Variants in JAK1 observed in about 807,000 individuals in gnomAD.
JAK1 encodes the protein tyrosine-protein kinase JAK1.
JAK1 carries 16 observed loss-of-function variants against 136.6 expected under a neutral mutation model. The ratio of observed to expected loss-of-function variants is 0.12; its 90% CI spans 0.08 to 0.18. The LOEUF is 0.18. Among genes scored for constraint, JAK1 ranks in the 10% least tolerant of loss-of-function variants. JAK1 has a pLI of 1.00. For synonymous variants in JAK1, 492 were observed against 519.5 expected (o/e 0.95, Z 0.72); for missense variants, 859 against 1,450.1 (o/e 0.59, Z 6.62).
intron 2 of JAK1, chr1:64,973,655 C>T: frequency 7.0e-6 from 1 of 141,970 alleles, no homozygotes; most frequent in African/African-American, 2.6e-5. Context: ...AAAGGAAAAT[C>T]AAATGTTGAA....
intron 2 of JAK1, chr1:64,973,148 A>AAAGAAAGG (rs1408516800): frequency 6.6e-6 from 1 of 151,168 alleles, no homozygotes; most frequent in South Asian, 2.1e-4. Context: ...AGAAAGAAAG[A>AAAGAAAGG]AAGAAAGGAA....
At chr1:64,913,644 GAA>G (rs1557686377) in intron 1 of JAK1, among the ~76,000 whole-genome samples, 7 of 98,184 alleles carry the variant, frequency 7.1e-5, no homozygotes, top group African/African-American at 3.2e-4. Context: ...AGGAAGGGAG[GAA>G]GGAAGGAAAG....
At chr1:64,981,889 T>A (rs1011407484) in intron 2 of JAK1, among the ~76,000 whole-genome samples, 1 of 152,136 alleles carries the variant, frequency 6.6e-6, no homozygotes, top group Non-Finnish European at 1.5e-5. Flanking sequence ...TATTCAAATT[T>A]TCATCATCAC....
rs969134392 is a variant in JAK1, at chr1:65,018,483, AGAGAACAC to A, written c.-78+25989_-78+25996del. Among the ~76,000 whole-genome samples, 41 of 135,466 alleles carry A rather than the reference AGAGAACAC, an allele frequency of 3.0e-4. No individual in the cohort carries two copies. In the South Asian group the frequency reaches 4.0e-3, roughly 13 times the overall value. 88.9% of individuals were successfully genotyped at this position (135,466 alleles called of 152,430 possible). On this transcript the variant is annotated intron_variant, in intron 2 of 25. Transcript: ENST00000671954. ...CATACAGAGAGAGAGAGAGAGAGAG[AGAGAACAC>A]ACACACACACACACACACACACACA...
intron 7 of JAK1, among the ~76,000 whole-genome samples, chr1:64,866,511 G>T (rs563451046): frequency 1.5e-4 from 23 of 152,252 alleles, no homozygotes; most frequent in Admixed American, 3.9e-4. Context: ...GTAAAATGGA[G>T]ATAATAGCAA....
At chr1:64,970,134 C>CAAA (rs1232133832), upstream of JAK1, among the ~76,000 whole-genome samples, 13 of 49,500 alleles carry the variant, frequency 2.6e-4, 6 homozygotes, top group African/African-American at 5.3e-4. Context: ...GACCCTGTCT[C>CAAA]AAAAAAAAAA....
chr1:64,935,905 G>A (rs1323607387), intron 1 of JAK1, among the ~76,000 whole-genome samples: 1 of 152,174 alleles, frequency 6.6e-6, no homozygotes, highest in Non-Finnish European at 1.5e-5. Context: ...GAACTGACAG[G>A]ATCCAGTAGG....
At position 64,872,787 on chromosome 1, in the gene JAK1, C is replaced by T. The variant is rs1015514408; in HGVS notation, c.483+583G>A. On this transcript the variant is annotated intron_variant, in intron 5 of 24. Transcript: ENST00000342505. ...ATGAATAAAAAAGCAGTTTACAAAACAAAATGAACCATAAAATATTTTCAA... is the reference window on the plus strand; with the variant it reads ...ATGAATAAAAAAGCAGTTTACAAAATAAAATGAACCATAAAATATTTTCAA... 5.3e-5 allele frequency among the ~76,000 whole-genome samples: 8 copies of T among 152,064 alleles called. No individual in the cohort carries two copies. The East Asian group carries it at 5.8e-4, about 11-fold the overall frequency.
At chr1:64,878,486 A>G (rs960956703) in intron 4 of JAK1, among the ~76,000 whole-genome samples, 1 of 147,514 alleles carries the variant, frequency 6.8e-6, no homozygotes, top group Non-Finnish European at 1.5e-5. Context: ...ACTTCAGGCA[A>G]TGTTTCTCGA....
intron 12 of JAK1, 128 bp downstream of exon 12, chr1:64,850,676 G>A (rs750486523): frequency 1.2e-5 from 8 of 670,824 alleles, no homozygotes. Flanking sequence ...GCCATCAAAG[G>A]AAAGTCTCCC....
chr1:64,975,182 C>T (rs2100681484), intron 2 of JAK1, among the ~76,000 whole-genome samples: 1 of 152,150 alleles, frequency 6.6e-6, no homozygotes, highest in African/African-American at 2.4e-5. Context: ...ATACTACAGC[C>T]TTGAACTCCT....
chr1:65,060,470 GACGAA>G (rs1303907233), intron 1 of JAK1, among the ~76,000 whole-genome samples: 1 of 152,162 alleles, frequency 6.6e-6, no homozygotes, highest in East Asian at 1.9e-4. Context: ...GAAGTATAAA[GACGAA>G]GGAAGTGTAC....
chr1:65,050,235 CTT>C (rs1332465616), intron 1 of JAK1, among the ~76,000 whole-genome samples: 1 of 152,200 alleles, frequency 6.6e-6, no homozygotes, highest in East Asian at 1.9e-4. Flanking sequence ...AGCCATGTTT[CTT>C]GTTTCACAGA....
chr1:64,950,984 A>G (rs1481109504), intron 1 of JAK1, among the ~76,000 whole-genome samples: 3 of 152,236 alleles, frequency 2.0e-5, no homozygotes, highest in Non-Finnish European at 4.4e-5. Flanking sequence ...TACACCTCTT[A>G]AAAGTATTAC....
intron 2 of JAK1, chr1:64,985,996 C>A (rs1375007453): frequency 1.5e-6 from 2 of 1,325,398 alleles, no homozygotes; most frequent in Non-Finnish European, 1.1e-6. Context: ...ATCTCAGGAG[C>A]ATTGATGACC....
At chr1:64,859,254 G>A (rs1195306464) in intron 9 of JAK1, among the ~76,000 whole-genome samples, 2 of 152,240 alleles carry the variant, frequency 1.3e-5, no homozygotes, top group African/African-American at 4.8e-5. Flanking sequence ...GCAGCTGGCT[G>A]TTTTCCTTTG....
chr1:65,004,133 G>A (rs919683377), intron 2 of JAK1: 1 of 152,098 alleles, frequency 6.6e-6, no homozygotes, highest in African/African-American at 2.4e-5. Context: ...TAGAGACGGG[G>A]TTTCACCATG....
intron 1 of JAK1, among the ~76,000 whole-genome samples, chr1:64,888,432 A>G (rs570513226): frequency 1.3e-4 from 20 of 152,286 alleles, no homozygotes; most frequent in South Asian, 2.1e-4. Context: ...CGCCCGCCTC[A>G]GCCTCCCAAA....
chr1:65,056,790 G>A lies in JAK1; in HGVS notation c.-181+10814C>T, dbSNP rs568691415. On this transcript the variant is annotated intron_variant, in intron 1 of 25. Coordinates refer to the JAK1 transcript ENST00000671954. ...AAATACAAAATTACATGGGCATGGT[G>A]GTGCACACCTGTAATCCCAGCTACT... Among the ~76,000 whole-genome samples, 8 of 152,042 alleles carry A rather than the reference G, an allele frequency of 5.3e-5. No individual in the cohort carries two copies. The South Asian group carries it at 1.7e-3, about 32-fold the overall frequency.
Sources: allele counts gnomAD v4.1 joint callset (sites outside exome capture counted in the v4.1 genomes callset), GRCh38; gene constraint gnomAD v4.1.1; transcripts MANE v1.5; gene names NCBI Gene and HGNC (gene_info 2026-07-23, HGNC 2026-07-21).